The following ANKRD33B variants were observed in gnomAD, a reference collection of about 807,000 sequenced individuals.
The protein encoded by ANKRD33B is ankyrin repeat domain 33B.
A neutral mutation model predicts 21.5 loss-of-function variants in ANKRD33B; 6 were observed. The observed-to-expected ratio is 0.28, with a 90% CI of 0.15 to 0.55. The LOEUF (loss-of-function observed/expected upper bound fraction) is 0.55, where lower values mean the gene tolerates loss of function less well. ANKRD33B is among the 20% of genes least tolerant of loss of function. The pLI is 0.94. For synonymous variants in ANKRD33B, 347 were observed against 342.4 expected (o/e 1.01, Z -0.15); for missense variants, 698 against 747.2 (o/e 0.93, Z 0.77).
intron 1 of ANKRD33B, among the ~76,000 whole-genome samples, chr5:10,567,233 C>T (rs1735081924): frequency 6.6e-6 from 1 of 152,168 alleles, no homozygotes; most frequent in Admixed American, 6.5e-5. Flanking sequence ...CTTCTCAAGG[C>T]TGTTGATCAA....
chr5:10,637,685 T>G (rs11745501), intron 2 of ANKRD33B, among the ~76,000 whole-genome samples: 63,590 of 151,720 alleles, frequency 0.42, 13,620 homozygotes, highest in Middle Eastern at 0.55. Flanking sequence ...CTTCCTGCCC[T>G]CATTGGCTGT....
chr5:10,649,951 G>C lies in ANKRD33B; in HGVS notation c.1323G>C (p.Pro441=). 2.0e-6 allele frequency: 3 copies of C among 1,530,298 alleles called. No homozygotes were observed. The highest frequency in any genetic ancestry group is 2.6e-6 in the Non-Finnish European group (3 of 1,143,820). 94.8% of individuals were successfully genotyped at this position (1,530,298 alleles called of 1,614,324 possible). Residue 441 remains proline (P), a synonymous_variant, in exon 4 of 4, where the codon CCG becomes CCC. Transcript: ENST00000296657. ...CGCCCACCTTCCAGCCCGAGCGGCC[G>C]GCGCGGAAGGGCAGCACCAAGGACA... ...APAPTFQPER[P]ARKGSTKDSG... is the part of the protein sequence containing the mutation.
At chr5:10,615,386 T>G (rs1736262761) in intron 1 of ANKRD33B, among the ~76,000 whole-genome samples, 1 of 152,240 alleles carries the variant, frequency 6.6e-6, no homozygotes, top group African/African-American at 2.4e-5. Context: ...GCTCTAGGGC[T>G]TTTCATTGCA....
rs927419717 is a variant in ANKRD33B at position 10,650,180 on chromosome 5, G to A, written c.*67G>A. 3 of 1,387,454 alleles carry A rather than the reference G, an allele frequency of 2.2e-6. No homozygotes were observed. The highest frequency in any genetic ancestry group is 2.8e-6 in the Non-Finnish European group (3 of 1,073,728). 85.9% of individuals were successfully genotyped at this position (1,387,454 alleles called of 1,614,324 possible). ...GCGGGGCCGCAGGGCTGGGCGCGGA[G>A]AAGGAGGCGGCCCCGTTGCGCATCG... is the stretch of plus-strand genomic sequence containing the variant. On this transcript the variant is annotated 3_prime_UTR_variant, in exon 4 of 4. Transcript: ENST00000296657.
At chr5:10,612,430 T>C (rs1736191989) in intron 1 of ANKRD33B, among the ~76,000 whole-genome samples, 1 of 152,214 alleles carries the variant, frequency 6.6e-6, no homozygotes, top group African/African-American at 2.4e-5. Flanking sequence ...CCTTATGACC[T>C]GGTTACCTCC....
intron 1 of ANKRD33B, among the ~76,000 whole-genome samples, chr5:10,590,710 A>T (rs1357877771): frequency 6.6e-6 from 1 of 152,082 alleles, no homozygotes; most frequent in Non-Finnish European, 1.5e-5. Context: ...AAGCCAAAAG[A>T]TTGGATACCC....
intron 1 of ANKRD33B, among the ~76,000 whole-genome samples, chr5:10,613,724 C>T (rs1272389650): frequency 2.0e-5 from 3 of 151,700 alleles, no homozygotes; most frequent in African/African-American, 7.3e-5. Context: ...TATGGTGAAA[C>T]CTCCATCTCT....
rs532872797 is a variant in ANKRD33B at position 10,657,457 on chromosome 5, A to G, written c.*7344A>G. The G allele has an allele frequency of 1.3e-5, 2 of 152,464 alleles. No homozygotes were observed. The highest frequency in any genetic ancestry group is 4.8e-5 in the African/African-American group (2 of 41,578). The allele number at this position is 152,464 out of a possible 1,614,324, so 9.4% of individuals were successfully genotyped here. On this transcript the variant is annotated 3_prime_UTR_variant, in exon 4 of 4. Transcript: ENST00000296657. ...TTTGCATTGTCATTTCTAATAATCC[A>G]GTAGGTTTCTGGATATTGTAAAGAT... is the stretch of plus-strand genomic sequence containing the variant.
intron 3 of ANKRD33B, among the ~76,000 whole-genome samples, chr5:10,648,619 C>T (rs769717676): frequency 3.3e-5 from 5 of 152,262 alleles, no homozygotes; most frequent in South Asian, 2.1e-4. Context: ...ATTAGCCTGG[C>T]GTGGTAGCAC....
chr5:10,628,644 A>G (rs1201672037), intron 2 of ANKRD33B, among the ~76,000 whole-genome samples: 1 of 152,146 alleles, frequency 6.6e-6, no homozygotes, highest in Admixed American at 6.5e-5. Flanking sequence ...GCCCACCCTG[A>G]TACTTTCAAT....
intron 1 of ANKRD33B, among the ~76,000 whole-genome samples, chr5:10,575,315 C>T (rs189689768): frequency 1.3e-5 from 2 of 151,322 alleles, no homozygotes; most frequent in East Asian, 2.0e-4. Flanking sequence ...CCCAGCTACT[C>T]GGGAGGCTGA....
intron 3 of ANKRD33B, among the ~76,000 whole-genome samples, chr5:10,640,980 C>G (rs985697601): frequency 6.6e-6 from 1 of 152,194 alleles, no homozygotes; most frequent in African/African-American, 2.4e-5. Flanking sequence ...GATCTAATCA[C>G]CCCCTAAAGG....
chr5:10,591,194 G>GTTT (rs749837253), intron 1 of ANKRD33B, among the ~76,000 whole-genome samples: 10 of 113,428 alleles, frequency 8.8e-5, no homozygotes, highest in Admixed American at 1.1e-4. Flanking sequence ...TTTTTTTAGT[G>GTTT]GTTTTTTTTT....
rs56969869 is a variant in ANKRD33B at position 10,650,038 on chromosome 5, A to G, written c.1410A>G (p.Ala470=). The change falls in exon 4 of 4, where the codon GCA becomes GCG. Residue 470 remains alanine, a synonymous_variant. Coordinates refer to ENST00000296657, the MANE Select transcript of ANKRD33B (RefSeq NM_001164440.2). Reference sequence around the variant, plus strand: ...AGGCCAAGGAGGAGAAGAGGAAGGCAGAGGAGGCCGAAAAGAAGCGCCAGG... The same window carrying G: ...AGGCCAAGGAGGAGAAGAGGAAGGCGGAGGAGGCCGAAAAGAAGCGCCAGG... The part of the protein sequence containing the change: ...YKEAKEEKRK[A]EEAEKKRQAE... The G allele has an allele frequency of 0.31, 471,393 of 1,530,416 alleles. 73,731 individuals carry two copies. Among genetic ancestry groups the G allele is most frequent in the African/African-American group, 0.4 (28,960 of 72,428 alleles). The allele number at this position is 1,530,416 out of a possible 1,614,324, so 94.8% of individuals were successfully genotyped here.
At chr5:10,610,409 C>CA (rs1303745083) in intron 1 of ANKRD33B, among the ~76,000 whole-genome samples, 1 of 151,998 alleles carries the variant, frequency 6.6e-6, no homozygotes, top group South Asian at 2.1e-4. Flanking sequence ...CAGCCCCCCC[C>CA]CCGAATAAAG....
intron 2 of ANKRD33B, chr5:10,624,789 C>T (rs1376313180): frequency 1.1e-5 from 5 of 456,650 alleles, no homozygotes; most frequent in South Asian, 3.1e-5. Context: ...GCGCCTCCGG[C>T]GTCAGCATCA....
intron 1 of ANKRD33B, among the ~76,000 whole-genome samples, chr5:10,592,719 T>G (rs1579721853): frequency 6.6e-6 from 1 of 152,028 alleles, no homozygotes; most frequent in Admixed American, 6.6e-5. Context: ...ACCTGTCTGC[T>G]CCTCAGAGCT....
intron 1 of ANKRD33B, among the ~76,000 whole-genome samples, chr5:10,591,199 T>TTTTTTTTG (rs1206217770): frequency 7.1e-6 from 1 of 141,154 alleles, no homozygotes; most frequent in Non-Finnish European, 1.6e-5. Context: ...TTAGTGGTTT[T>TTTTTTTTG]TTTTTTTTTT....
At chr5:10,611,311 A>G (rs574821300) in intron 1 of ANKRD33B, among the ~76,000 whole-genome samples, 1 of 152,004 alleles carries the variant, frequency 6.6e-6, no homozygotes, top group Non-Finnish European at 1.5e-5. Context: ...CTTACTTTCT[A>G]TTTTACTTTT....
Sources: gnomAD v4.1 joint callset for allele counts (sites outside exome capture counted in the v4.1 genomes callset) on GRCh38, gnomAD v4.1.1 for gene constraint, MANE v1.5 for transcripts, NCBI Gene and HGNC (gene_info 2026-07-23, HGNC 2026-07-21) for gene names.